DNAAF9: variants seen among roughly 807,000 people sequenced by gnomAD.
DNAAF9 encodes shulin.
DNAAF9 carries 90 observed loss-of-function variants against 167.0 expected under a neutral mutation model. That is an observed-to-expected ratio of 0.54 (90% CI 0.45 to 0.64). DNAAF9 has a LOEUF of 0.64. Ranked by LOEUF, DNAAF9 falls within the 30% of genes least tolerant of loss-of-function variation. The probability of loss-of-function intolerance (pLI) is 0.00; values close to 1 mark genes in which losing one functional copy is unlikely to be tolerated. For synonymous variants in DNAAF9, 491 were observed against 508.8 expected (o/e 0.96, Z 0.47); for missense variants, 1,315 against 1,442.2 (o/e 0.91, Z 1.43).
rs368520818 is a variant in DNAAF9 at position 3,304,427 on chromosome 20, G to A, written c.1782+13C>T. The A allele has an allele frequency of 8.9e-6, 11 of 1,232,988 alleles. No individual in the cohort carries two copies. The highest frequency in any genetic ancestry group is 1.5e-5 in the African/African-American group (1 of 67,414). The allele number at this position is 1,232,988 out of a possible 1,614,324, so 76.4% of individuals were successfully genotyped here. On this transcript the variant is annotated intron_variant, in intron 21 of 36. Transcript: ENST00000252032. The stretch of plus-strand genomic sequence containing the variant: ...TTCCGACCAAAAAAGCCACTGACTA[G>A]TAAAACACCTACCCCATCATAGAAG...
At chr20:3,347,329 T>C in intron 8 of DNAAF9, among the ~76,000 whole-genome samples, 1 of 151,602 alleles carries the variant, frequency 6.6e-6, no homozygotes, top group South Asian at 2.1e-4. Context: ...GAAATAAAGA[T>C]TTTTTTTCCA....
intron 10 of DNAAF9, among the ~76,000 whole-genome samples, chr20:3,333,510 A>C (rs2069879049): frequency 6.6e-6 from 1 of 152,246 alleles, no homozygotes; most frequent in Admixed American, 6.5e-5. Flanking sequence ...TCCAAGTTAC[A>C]GATTGGAAAT....
At chr20:3,295,818 T>C in intron 23 of DNAAF9, 1 of 899,376 alleles carries the variant, frequency 1.1e-6, no homozygotes, top group Non-Finnish European at 1.8e-6. Context: ...ATCATCAAAA[T>C]TCAAAAATCA....
At chr20:3,399,182 T>C (rs1171465646) in intron 1 of DNAAF9, among the ~76,000 whole-genome samples, 4 of 152,194 alleles carry the variant, frequency 2.6e-5, no homozygotes, top group South Asian at 2.1e-4. Flanking sequence ...AAATAAACAG[T>C]TGACTAATCC....
intron 30 of DNAAF9, among the ~76,000 whole-genome samples, chr20:3,266,684 G>A (rs961620416): frequency 5.3e-5 from 8 of 151,618 alleles, no homozygotes; most frequent in Admixed American, 2.0e-4. Context: ...TCACCGTGTT[G>A]GCCAGGATGG....
chr20:3,308,729 C>T (rs2069348981), intron 20 of DNAAF9, among the ~76,000 whole-genome samples: 1 of 151,648 alleles, frequency 6.6e-6, no homozygotes, highest in Non-Finnish European at 1.5e-5. Context: ...GTAATCCCAG[C>T]ACTTTGGGAG....
Position 3,253,727 on chromosome 20 carries a change from T to A in DNAAF9, c.3420A>T (p.Pro1140=), listed in dbSNP as rs1442221427. ...GGGACCACGCTGTTCCAAGGATACG[T>A]GGGTGAAAATCAGTTTTGTCACCAA... ...NFFGDKTDFH[P]LMDQFMNDYV... The change falls in exon 36 of 37, where the codon CCA becomes CCT. Residue 1140 remains proline (P), a splice_region_variant and synonymous_variant. Transcript: ENST00000252032. The A allele has an allele frequency of 1.3e-6, 2 of 1,591,328 alleles. No individual in the cohort carries two copies. The highest frequency in any genetic ancestry group is 3.3e-4 in the Middle Eastern group (2 of 6,020).
At chr20:3,297,446 G>A (rs760481103) in intron 22 of DNAAF9, among the ~76,000 whole-genome samples, 3 of 152,196 alleles carry the variant, frequency 2.0e-5, no homozygotes, top group Admixed American at 6.5e-5. Flanking sequence ...TATGGTCTGC[G>A]AATCTGACCT....
At chr20:3,335,115 T>C (rs1483715943) in intron 10 of DNAAF9, among the ~76,000 whole-genome samples, 1 of 152,356 alleles carries the variant, frequency 6.6e-6, no homozygotes, top group East Asian at 1.9e-4. Flanking sequence ...TTTATTTTTT[T>C]GGCAACTTTT....
rs540139742 is a variant in DNAAF9 at position 3,370,028 on chromosome 20, G to A, written c.612+4020C>T. On this transcript the variant is annotated intron_variant, in intron 6 of 36. Transcript: ENST00000252032. Reference sequence around the variant, plus strand: ...GTTACTGCTGTTTAATCAAATGTCTGGTGATCTTTGGCTTCCTATTCATAC... The same window carrying A: ...GTTACTGCTGTTTAATCAAATGTCTAGTGATCTTTGGCTTCCTATTCATAC... Among the ~76,000 whole-genome samples the A allele has an allele frequency of 2.2e-4, 34 of 152,166 alleles. 1 individual carries two copies. The South Asian group carries it at 7.1e-3, about 32-fold the overall frequency.
chr20:3,367,288 G>C (rs2083443404), intron 6 of DNAAF9, among the ~76,000 whole-genome samples: 1 of 152,202 alleles, frequency 6.6e-6, no homozygotes, highest in Non-Finnish European at 1.5e-5. Flanking sequence ...TTGGTTGGTT[G>C]ATCTTTTATC....
In DNAAF9 at chr20:3,301,178, C is replaced by CT. The variant is rs11469332; in HGVS notation, c.1783-3004dup. Reference sequence around the variant, plus strand: ...TTCAGGTATACACCATCATGCTTGGCTTTTTTTTTTTTTTTTTTCTTTTTT... The same window carrying CT: ...TTCAGGTATACACCATCATGCTTGGCTTTTTTTTTTTTTTTTTTTCTTTTTT... On this transcript the variant is annotated intron_variant, in intron 21 of 36. Coordinates refer to ENST00000252032, the MANE Select transcript of DNAAF9 (RefSeq NM_001009984.3). Among the ~76,000 whole-genome samples, 243 of 125,082 alleles carry CT rather than the reference C, an allele frequency of 1.9e-3. 1 individual carries two copies. The highest frequency in any genetic ancestry group is 5.0e-3 in the Middle Eastern group (1 of 202). 82.1% of individuals were successfully genotyped at this position (125,082 alleles called of 152,430 possible).
intron 30 of DNAAF9, among the ~76,000 whole-genome samples, chr20:3,266,993 C>T (rs1245585141): frequency 6.6e-6 from 1 of 151,950 alleles, no homozygotes; most frequent in Non-Finnish European, 1.5e-5. Context: ...ACTGGAATCA[C>T]AGGCATGCAC....
chr20:3,339,470 GTA>G (rs1453439027), intron 10 of DNAAF9, among the ~76,000 whole-genome samples: 3 of 152,152 alleles, frequency 2.0e-5, no homozygotes, highest in Non-Finnish European at 4.4e-5. Context: ...TTCTGAAGCT[GTA>G]GGTGCCAGGG....
At chr20:3,372,512 T>C (rs1336014613) in intron 6 of DNAAF9, among the ~76,000 whole-genome samples, 2 of 152,244 alleles carry the variant, frequency 1.3e-5, no homozygotes, top group East Asian at 1.9e-4. Context: ...ACATTACTTT[T>C]CAAAGGTGTT....
intron 10 of DNAAF9, 110 bp from the exon 11 acceptor site, chr20:3,332,471 TG>T: frequency 1.8e-6 from 1 of 562,072 alleles, no homozygotes; most frequent in Non-Finnish European, 3.2e-6. Flanking sequence ...TTTTTTTTTT[TG>T]AGACAGAGTC....
intron 8 of DNAAF9, among the ~76,000 whole-genome samples, chr20:3,344,222 A>C (rs2070146883): frequency 6.6e-6 from 1 of 152,138 alleles, no homozygotes; most frequent in South Asian, 2.1e-4. Flanking sequence ...TACTGATGGA[A>C]GTTTCCTGGG....
At chr20:3,287,966 G>A (rs1422659818) in intron 26 of DNAAF9, among the ~76,000 whole-genome samples, 176 bp from the exon 27 acceptor site, 1 of 152,236 alleles carries the variant, frequency 6.6e-6, no homozygotes, top group Non-Finnish European at 1.5e-5. Context: ...GGATGGGTTG[G>A]AAGCCCAGTA....
At chr20:3,403,182 T>TGCCACATC (rs1300741981) in intron 1 of DNAAF9, among the ~76,000 whole-genome samples, 5 of 152,072 alleles carry the variant, frequency 3.3e-5, no homozygotes, top group Non-Finnish European at 7.4e-5. Context: ...CCTTCCACAT[T>TGCCACATC]GCCACATCCA....
Sources: allele counts gnomAD v4.1 joint callset (sites outside exome capture counted in the v4.1 genomes callset), GRCh38; gene constraint gnomAD v4.1.1; transcripts MANE v1.5; gene names NCBI Gene and HGNC (gene_info 2026-07-23, HGNC 2026-07-21).